WDR36: variants seen among roughly 807,000 people sequenced by gnomAD.
WDR36 encodes the protein WD repeat-containing protein 36.
In WDR36, 63 loss-of-function variants were observed where a neutral mutation model predicts 112.7. That is an observed-to-expected ratio of 0.56 (90% CI 0.46 to 0.69). The LOEUF (loss-of-function observed/expected upper bound fraction) is 0.69. Among genes scored for constraint, WDR36 ranks in the 30% least tolerant of loss-of-function variants. WDR36 has a pLI of 0.00. For synonymous variants in WDR36, 410 were observed against 362.2 expected, an observed-to-expected ratio of 1.13 and a Z score of -1.50; for missense variants, 1,226 against 1,070.3, an observed-to-expected ratio of 1.15 and a Z score of -2.03.
chr5:111,107,572 A>G lies in WDR36; in HGVS notation c.1326+133A>G, dbSNP rs973914550. 21 of 1,194,402 alleles carry G rather than the reference A, an allele frequency of 1.8e-5. 1 individual carries two copies. In the Admixed American group the frequency reaches 4.5e-4, roughly 25 times the overall value. 74.0% of individuals were successfully genotyped at this position (1,194,402 alleles called of 1,614,324 possible). ...ACATTTTAAAGCATTGCATAACCCA[A>G]AGCCACAAAAATTTGCTCCTGTGAC... On this transcript the variant is annotated intron_variant, in intron 12 of 22. Coordinates refer to ENST00000513710, the MANE Select transcript of WDR36 (RefSeq NM_139281.3).
At chr5:111,110,061 T>G in intron 12 of WDR36, 128 bp from the exon 13 acceptor site, 1 of 693,628 alleles carries the variant, frequency 1.4e-6, no homozygotes, top group Non-Finnish European at 2.6e-6. Context: ...AAAAAACTAA[T>G]GAAGCAATTC....
Position 111,104,768 on chromosome 5 carries a change from T to TA in WDR36, c.979dup (p.Thr327AsnfsTer30). The TA allele has an allele frequency of 6.2e-7, 1 of 1,611,378 alleles. No homozygotes were observed. Among genetic ancestry groups the TA allele is most frequent in the East Asian group, 2.2e-5 (1 of 44,806 alleles). ...TCAGAATGGGTCATAGTGCTCCTCT[T>TA]ACCAATATCAGATATTATGGACAGA... On this transcript the variant is annotated frameshift_variant, in exon 9 of 23. Coordinates refer to ENST00000513710, the MANE Select transcript of WDR36 (RefSeq NM_139281.3). LOFTEE classifies it high-confidence loss of function.
At chr5:111,105,410 A>G (rs1580395220) in intron 10 of WDR36, 50 bp downstream of exon 10, 4 of 1,525,302 alleles carry the variant, frequency 2.6e-6, no homozygotes, top group Non-Finnish European at 3.6e-6. Context: ...AAACATTTCA[A>G]CATTCTATGA....
At chr5:111,110,585 C>T (rs769333811) in intron 13 of WDR36, among the ~76,000 whole-genome samples, 2 of 151,292 alleles carry the variant, frequency 1.3e-5, no homozygotes, top group Non-Finnish European at 3.0e-5. Flanking sequence ...TATGTTGTAT[C>T]GATCTGATTT....
At chr5:111,124,758 C>T (rs1408845625) in intron 21 of WDR36, among the ~76,000 whole-genome samples, 1 of 151,924 alleles carries the variant, frequency 6.6e-6, no homozygotes, top group Non-Finnish European at 1.5e-5. Flanking sequence ...TTAACTTGTC[C>T]TCTTGTTTTG....
Position 111,117,276 on chromosome 5 carries a change from T to G in WDR36, c.1797-1737T>G, listed in dbSNP as rs191910980. Among the ~76,000 whole-genome samples the G allele has an allele frequency of 5.3e-5, 8 of 152,316 alleles. No homozygotes were observed. The East Asian group carries it at 1.5e-3, about 29-fold the overall frequency. On this transcript the variant is annotated intron_variant, in intron 16 of 22. Transcript: ENST00000513710. Reference sequence around the variant, plus strand: ...TGTGTTTGTTTCCAGTGCTTCTAATTGTTGTCTTTTCTTTCCATCTTGCAT... The same window carrying G: ...TGTGTTTGTTTCCAGTGCTTCTAATGGTTGTCTTTTCTTTCCATCTTGCAT...
chr5:111,103,937 A>G lies in WDR36; in HGVS notation c.730+19A>G. On this transcript the variant is annotated intron_variant, in intron 7 of 22. Transcript: ENST00000513710. The stretch of plus-strand genomic sequence containing the variant: ...CGCACAGGTAACTTTTAACATACTT[A>G]TTGATAGGAGTTAAGAACACTTAAA... 6.2e-7 allele frequency: 1 copy of G among 1,609,936 alleles called. No homozygotes were observed. Among genetic ancestry groups the G allele is most frequent in the Non-Finnish European group, 8.5e-7 (1 of 1,177,768 alleles).
chr5:111,120,977 C>G lies in WDR36; in HGVS notation c.2003-19C>G, dbSNP rs550251903. On this transcript the variant is annotated intron_variant, in intron 18 of 22. Transcript: ENST00000513710. ...TATATGATAAAAATCTTTTGTTTTA[C>G]CTGAAAAATTTTTTTAAGATGTAGA... 9.4e-6 allele frequency: 15 copies of G among 1,602,528 alleles called. No individual in the cohort carries two copies. In the East Asian group the frequency reaches 3.4e-4, roughly 36 times the overall value.
intron 4 of WDR36, among the ~76,000 whole-genome samples, chr5:111,099,378 A>C (rs1387454437): frequency 6.6e-6 from 1 of 150,542 alleles, no homozygotes; most frequent in South Asian, 2.1e-4. Flanking sequence ...TACTGGGTTC[A>C]TCATGAATTG....
At chr5:111,122,993 C>T (rs1442168484) in intron 19 of WDR36, among the ~76,000 whole-genome samples, 2 of 152,020 alleles carry the variant, frequency 1.3e-5, no homozygotes, top group African/African-American at 2.4e-5. Flanking sequence ...CCTGTAATCC[C>T]GGCTGCTCAG....
In WDR36 at chr5:111,098,880, A is replaced by G. The variant is rs772549307; in HGVS notation, c.409+41A>G. 4.5e-6 allele frequency: 6 copies of G among 1,326,530 alleles called. No homozygotes were observed. The South Asian group carries it at 4.7e-5, about 10-fold the overall frequency. 82.2% of individuals were successfully genotyped at this position (1,326,530 alleles called of 1,614,324 possible). A position where few individuals can be genotyped will look rare whatever the true frequency, so the allele number is the denominator to read the frequency against. ...TTTATTTGCTTTATCTTAGGGTAGT[A>G]TGTGTTTAATTAAAATTTAAAATCT... On this transcript the variant is annotated intron_variant, in intron 4 of 22. Coordinates refer to ENST00000513710, the MANE Select transcript of WDR36 (RefSeq NM_139281.3).
At chr5:111,102,775 G>A (rs1378637829) in intron 6 of WDR36, among the ~76,000 whole-genome samples, 1 of 151,600 alleles carries the variant, frequency 6.6e-6, no homozygotes, top group Non-Finnish European at 1.5e-5. Flanking sequence ...GAGATTTATG[G>A]TTTGAAGTAA....
chr5:111,124,768 G>A (rs1449243949), intron 21 of WDR36, among the ~76,000 whole-genome samples: 2 of 152,166 alleles, frequency 1.3e-5, no homozygotes, highest in Middle Eastern at 3.4e-3. Context: ...CTCTTGTTTT[G>A]ATTCAAATGC....
intron 17 of WDR36, 115 bp downstream of exon 17, chr5:111,119,235 C>A (rs1426379912): frequency 2.7e-5 from 22 of 809,392 alleles, no homozygotes; most frequent in Non-Finnish European, 4.6e-5. Context: ...GGAAATGTCA[C>A]AAGTTAACAC....
intron 9 of WDR36, 117 bp downstream of exon 9, chr5:111,104,934 A>C (rs1426125869): frequency 1.3e-6 from 2 of 1,505,022 alleles, no homozygotes; most frequent in African/African-American, 2.8e-5. Flanking sequence ...AGTGACTTAG[A>C]AGTCTGGGTA....
At chr5:111,093,814 A>G (rs1356374276) in intron 1 of WDR36, among the ~76,000 whole-genome samples, 2 of 152,328 alleles carry the variant, frequency 1.3e-5, no homozygotes, top group Middle Eastern at 6.8e-3. Context: ...GAGGAGAGTA[A>G]CATATTTGTA....
chr5:111,119,164 T>C, intron 17 of WDR36, 44 bp downstream of exon 17: 3 of 1,487,786 alleles, frequency 2.0e-6, no homozygotes, highest in Non-Finnish European at 2.8e-6. Context: ...AAGAAGATTG[T>C]ATTGTCAGAG....
chr5:111,109,425 A>G (rs1040438090), intron 12 of WDR36, among the ~76,000 whole-genome samples: 6 of 151,296 alleles, frequency 4.0e-5, no homozygotes, highest in African/African-American at 1.5e-4. Context: ...TGGTATGTCA[A>G]ACTTTATGTT....
chr5:111,129,410 G>T lies in WDR36; in HGVS notation c.*2527G>T, dbSNP rs1332375972. The stretch of plus-strand genomic sequence containing the variant: ...ATGTAATTAATGACACTTGCTATTG[G>T]ATTTTTGTAATTTAATTACTCTGAA... On this transcript the variant is annotated 3_prime_UTR_variant, in exon 23 of 23. Coordinates refer to ENST00000513710, the MANE Select transcript of WDR36 (RefSeq NM_139281.3). 5.2e-6 allele frequency: 1 copy of T among 192,954 alleles called. No individual in the cohort carries two copies. Among genetic ancestry groups the T allele is most frequent in the African/African-American group, 2.3e-5 (1 of 43,018 alleles). 12.0% of individuals were successfully genotyped at this position (192,954 alleles called of 1,614,324 possible). A position where few individuals can be genotyped will look rare whatever the true frequency, so the allele number is the denominator to read the frequency against.
Sources: gnomAD v4.1 joint callset for allele counts (sites outside exome capture counted in the v4.1 genomes callset) on GRCh38, gnomAD v4.1.1 for gene constraint, MANE v1.5 for transcripts, NCBI Gene and HGNC (gene_info 2026-07-23, HGNC 2026-07-21) for gene names.